DDHD1: variants seen among roughly 807,000 people sequenced by gnomAD.
DDHD1 encodes the protein DDHD domain containing 1, also known as phospholipase DDHD1.
DDHD1 carries 49 observed loss-of-function variants against 96.4 expected under a neutral mutation model. That is an observed-to-expected ratio of 0.51 (90% CI 0.40 to 0.64). DDHD1 has a LOEUF of 0.64. DDHD1 is among the 30% of genes least tolerant of loss of function. DDHD1 has a pLI of 0.00. For synonymous variants in DDHD1, 442 were observed against 446.5 expected (o/e 0.99, Z 0.13); for missense variants, 1,106 against 1,161.2 (o/e 0.95, Z 0.69).
intron 6 of DDHD1, among the ~76,000 whole-genome samples, chr14:53,070,703 T>A (rs1167646519): frequency 6.6e-6 from 1 of 152,148 alleles, no homozygotes. Context: ...TTTGGCAAAT[T>A]AAATTTATAA....
intron 1 of DDHD1, among the ~76,000 whole-genome samples, chr14:53,115,339 A>C (rs1174497089): frequency 6.6e-6 from 1 of 152,190 alleles, no homozygotes; most frequent in African/African-American, 2.4e-5. Flanking sequence ...CCAGCCTAGC[A>C]AGGCAGGCCA....
chr14:53,087,457 C>CT (rs1886075402), intron 4 of DDHD1, among the ~76,000 whole-genome samples: 1 of 152,176 alleles, frequency 6.6e-6, no homozygotes, highest in Non-Finnish European at 1.5e-5. Flanking sequence ...TGACAACAAA[C>CT]TGTGTCTCAG....
At chr14:53,084,533 G>A (rs553399975) in intron 4 of DDHD1, among the ~76,000 whole-genome samples, 1 of 152,292 alleles carries the variant, frequency 6.6e-6, no homozygotes, top group South Asian at 2.1e-4. Flanking sequence ...TCATCAGAGA[G>A]TAAAATCAGG....
intron 1 of DDHD1, among the ~76,000 whole-genome samples, chr14:53,115,176 A>G (rs1051141507): frequency 6.6e-6 from 1 of 152,194 alleles, no homozygotes; most frequent in South Asian, 2.1e-4. Flanking sequence ...AGATTAGAGA[A>G]AAAAAGAATG....
chr14:53,144,995 T>C (rs10149359), intron 1 of DDHD1, among the ~76,000 whole-genome samples: 116,370 of 151,842 alleles, frequency 0.77, 46,065 homozygotes, highest in East Asian at 0.96. Flanking sequence ...ACTAAAAATA[T>C]AAAACTTAGC....
At chr14:53,087,721 C>T (rs1429117864) in intron 4 of DDHD1, among the ~76,000 whole-genome samples, 1 of 151,978 alleles carries the variant, frequency 6.6e-6, no homozygotes, top group Non-Finnish European at 1.5e-5. Flanking sequence ...AAAGATCTAA[C>T]ATTGACACCC....
rs546084634 is a variant in DDHD1, at chr14:53,045,701, T to C, written c.*1067A>G. On this transcript the variant is annotated 3_prime_UTR_variant, in exon 13 of 13. Coordinates refer to ENST00000673822, the MANE Select transcript of DDHD1 (RefSeq NM_001160148.2). ...TGAGCCCCTCAGATGAAAAGCACTG[T>C]GGAAACAATTACAGCTGAAGAAAAC... 50 of 152,284 alleles carry C rather than the reference T, an allele frequency of 3.3e-4. No homozygotes were observed. The highest frequency in any genetic ancestry group is 1.2e-3 in the African/African-American group (50 of 41,552). 9.4% of individuals were successfully genotyped at this position (152,284 alleles called of 1,614,324 possible).
chr14:53,113,168 T>C (rs1888241528), intron 1 of DDHD1, among the ~76,000 whole-genome samples: 1 of 151,742 alleles, frequency 6.6e-6, no homozygotes, highest in African/African-American at 2.4e-5. Context: ...GGTTTCGCTA[T>C]GATAGCCAGG....
intron 1 of DDHD1, among the ~76,000 whole-genome samples, chr14:53,137,896 G>A (rs1232748802): frequency 6.6e-6 from 1 of 152,090 alleles, no homozygotes; most frequent in African/African-American, 2.4e-5. Flanking sequence ...GGGGGTTGGG[G>A]GAGGAAGCTG....
At chr14:53,100,263 C>T (rs150221441) in intron 2 of DDHD1, among the ~76,000 whole-genome samples, 1,541 of 151,940 alleles carry the variant, frequency 0.01, 15 homozygotes, top group Non-Finnish European at 0.017. Context: ...AACACTTGAG[C>T]CCAGGAGTTC....
chr14:53,085,726 C>G (rs893634464), intron 4 of DDHD1, among the ~76,000 whole-genome samples: 2 of 152,096 alleles, frequency 1.3e-5, no homozygotes, highest in African/African-American at 4.8e-5. Context: ...ATTCTAAAAC[C>G]CAGAGCACCT....
Position 53,058,638 on chromosome 14 carries a change from A to C in DDHD1, c.1843-12T>G. ...AAGAAATTCTCAACCTAAAATGATA[A>C]AGTCATCTTAAAGTTTAAAAATGGT... On this transcript the variant is annotated splice_polypyrimidine_tract_variant and intron_variant, in intron 8 of 12. Coordinates refer to ENST00000673822, the MANE Select transcript of DDHD1 (RefSeq NM_001160148.2). 6.3e-7 allele frequency: 1 copy of C among 1,580,182 alleles called. No individual in the cohort carries two copies. Among genetic ancestry groups the C allele is most frequent in the Non-Finnish European group, 8.6e-7 (1 of 1,164,934 alleles).
rs75567949 is a variant in DDHD1, at chr14:53,128,692, A to T, written c.838+23569T>A. ...GTCAGCAAAAAAGGGCCAGAAGCCA[A>T]CAGTTCTGATACAAAAGTCTATCAC... On this transcript the variant is annotated intron_variant, in intron 1 of 12. Coordinates refer to ENST00000673822, the MANE Select transcript of DDHD1 (RefSeq NM_001160148.2). 2.8e-4 allele frequency among the ~76,000 whole-genome samples: 42 copies of T among 152,368 alleles called. 1 individual carries two copies. The East Asian group carries it at 7.9e-3, about 29-fold the overall frequency.
intron 4 of DDHD1, among the ~76,000 whole-genome samples, chr14:53,089,188 T>G (rs1287910731): frequency 6.6e-6 from 1 of 152,166 alleles, no homozygotes; most frequent in Non-Finnish European, 1.5e-5. Flanking sequence ...TGGAAGAACA[T>G]TCCATGCTCA....
At chr14:53,140,459 AG>A (rs1420734031) in intron 1 of DDHD1, among the ~76,000 whole-genome samples, 1 of 152,174 alleles carries the variant, frequency 6.6e-6, no homozygotes, top group Non-Finnish European at 1.5e-5. Flanking sequence ...TGAACCTGGG[AG>A]GTGGAGGTTG....
At chr14:53,102,559 A>G (rs1595178294) in intron 2 of DDHD1, among the ~76,000 whole-genome samples, 1 of 152,208 alleles carries the variant, frequency 6.6e-6, no homozygotes, top group East Asian at 1.9e-4. Context: ...TCAGTTATAT[A>G]GACTTTTAAT....
At position 53,152,384 on chromosome 14, in the gene DDHD1, G is replaced by A; in HGVS notation, c.715C>T (p.Gln239Ter). The change falls in exon 1 of 13, where the codon CAG becomes TAG. Residue 239 changes from glutamine to a stop codon, truncating the protein, a stop_gained. Coordinates refer to ENST00000673822, the MANE Select transcript of DDHD1 (RefSeq NM_001160148.2). LOFTEE classifies it high-confidence loss of function. ...DDEDRACGFC[Q>*]STTGHEPEMV... ...TCCGGCTCGTGCCCCGTCGTACTCT[G>A]GCAGAAGCCGCAGGCGCGGTCCTCA... The A allele has an allele frequency of 6.2e-7, 1 of 1,613,864 alleles. No individual in the cohort carries two copies. The highest frequency in any genetic ancestry group is 2.2e-5 in the East Asian group (1 of 44,868).
rs1566546259 is a variant in DDHD1 at position 53,080,716 on chromosome 14, C to CCTT, written c.1290-6872_1290-6870dup. 3.0e-4 allele frequency among the ~76,000 whole-genome samples: 4 copies of CCTT among 13,354 alleles called. 1 individual carries two copies. The highest frequency in any genetic ancestry group is 8.6e-4 in the African/African-American group (4 of 4,642). 8.8% of individuals were successfully genotyped at this position (13,354 alleles called of 152,430 possible). A position where few individuals can be genotyped will look rare whatever the true frequency, so the allele number is the denominator to read the frequency against. On this transcript the variant is annotated intron_variant, in intron 4 of 12. Coordinates refer to ENST00000673822, the MANE Select transcript of DDHD1 (RefSeq NM_001160148.2). The stretch of plus-strand genomic sequence containing the variant: ...TATAATTTCATTTCTTTTCCTTCCC[C>CCTT]CTTTTTTTTTTTTTTTTTTTTGGAG...
intron 1 of DDHD1, among the ~76,000 whole-genome samples, chr14:53,127,081 A>G (rs769654013): frequency 5.9e-5 from 9 of 152,224 alleles, no homozygotes; most frequent in Non-Finnish European, 1.2e-4. Flanking sequence ...GCTTGAACAT[A>G]TGTTTTTTTA....
Sources: allele counts gnomAD v4.1 joint callset (sites outside exome capture counted in the v4.1 genomes callset), GRCh38; gene constraint gnomAD v4.1.1; transcripts MANE v1.5; gene names NCBI Gene and HGNC (gene_info 2026-07-23, HGNC 2026-07-21).